Variants in CCBE1 observed in about 807,000 individuals in gnomAD.
CCBE1 encodes collagen and calcium-binding EGF domain-containing protein 1.
In CCBE1, 37 loss-of-function variants were observed where a neutral mutation model predicts 50.0. The ratio of observed to expected loss-of-function variants is 0.74; its 90% CI spans 0.57 to 0.97. The LOEUF (loss-of-function observed/expected upper bound fraction) is 0.97. CCBE1 is among the 50% of genes least tolerant of loss of function. The pLI, the probability that CCBE1 is intolerant of heterozygous loss-of-function variation, is 0.00. For synonymous variants in CCBE1, 234 were observed against 203.7 expected (o/e 1.15, Z -1.27); for missense variants, 538 against 523.8 (o/e 1.03, Z -0.26).
chr18:59,479,776 A>G (rs1050700363), intron 3 of CCBE1, among the ~76,000 whole-genome samples: 28 of 152,208 alleles, frequency 1.8e-4, no homozygotes, highest in African/African-American at 5.1e-4. Context: ...GCTGGGTTGA[A>G]CACTCAGGTA....
intron 2 of CCBE1, chr18:59,563,889 G>A (rs1241194622): frequency 1.3e-5 from 2 of 152,186 alleles, no homozygotes; most frequent in South Asian, 2.1e-4. Flanking sequence ...ATGAACAGTG[G>A]GCTGGAATAA....
intron 2 of CCBE1, among the ~76,000 whole-genome samples, chr18:59,623,730 T>G (rs2053742023): frequency 6.6e-6 from 1 of 152,122 alleles, no homozygotes; most frequent in African/African-American, 2.4e-5. Flanking sequence ...ATAAATTGTT[T>G]ACCATTAGGC....
chr18:59,629,211 A>C (rs1272805922), intron 2 of CCBE1, among the ~76,000 whole-genome samples: 1 of 152,182 alleles, frequency 6.6e-6, no homozygotes, highest in Non-Finnish European at 1.5e-5. Flanking sequence ...CCTGCTACTA[A>C]CTAAAGGCCA....
Position 59,431,208 on chromosome 18 carries a change from G to A in CCBE1, c.*4700C>T, listed in dbSNP as rs1270634913. 2.6e-5 allele frequency: 4 copies of A among 152,214 alleles called. No homozygotes were observed. 9.4% of individuals were successfully genotyped at this position (152,214 alleles called of 1,614,324 possible). On this transcript the variant is annotated 3_prime_UTR_variant, in exon 11 of 11. Coordinates refer to ENST00000439986, the MANE Select transcript of CCBE1 (RefSeq NM_133459.4). ...TCCCTAGAGCAGTAACGTTTGTTGA[G>A]GGAGCATGTGAAGTTCATGATTATA...
chr18:59,640,053 A>G (rs1039666721), intron 2 of CCBE1, among the ~76,000 whole-genome samples: 2 of 152,204 alleles, frequency 1.3e-5, no homozygotes, highest in African/African-American at 4.8e-5. Flanking sequence ...TAAAATGGCC[A>G]TACTCCCCAA....
At chr18:59,441,989 T>G (rs1008720602) in intron 7 of CCBE1, among the ~76,000 whole-genome samples, 5 of 152,210 alleles carry the variant, frequency 3.3e-5, no homozygotes, top group Admixed American at 6.5e-5. Context: ...TTGTCTTTCT[T>G]GCCAAGCATT....
At chr18:59,642,132 T>C (rs2053999062) in intron 2 of CCBE1, among the ~76,000 whole-genome samples, 1 of 152,104 alleles carries the variant, frequency 6.6e-6, no homozygotes, top group Non-Finnish European at 1.5e-5. Flanking sequence ...GTATTAGTAT[T>C]AAAATCTGTA....
chr18:59,537,663 T>C (rs368855491), intron 2 of CCBE1, among the ~76,000 whole-genome samples: 2 of 152,200 alleles, frequency 1.3e-5, no homozygotes, highest in African/African-American at 4.8e-5. Flanking sequence ...AATGGACTAA[T>C]ACAGTGGCTG....
chr18:59,620,890 G>C (rs574030182), intron 2 of CCBE1, among the ~76,000 whole-genome samples: 56 of 152,340 alleles, frequency 3.7e-4, no homozygotes, highest in African/African-American at 1.3e-3. Context: ...AATGGGAAGA[G>C]TTTCCAATAA....
chr18:59,638,090 A>G (rs2053938103), intron 2 of CCBE1, among the ~76,000 whole-genome samples: 1 of 152,246 alleles, frequency 6.6e-6, no homozygotes, highest in Non-Finnish European at 1.5e-5. Context: ...ACTGTTTCTC[A>G]CCATGTACAA....
intron 2 of CCBE1, among the ~76,000 whole-genome samples, chr18:59,488,272 T>G (rs1357840297): frequency 2.6e-5 from 4 of 152,176 alleles, no homozygotes; most frequent in African/African-American, 7.2e-5. Flanking sequence ...ATGGTGGTGA[T>G]GGATGCAGAA....
chr18:59,484,689 A>G (rs625298), intron 2 of CCBE1, among the ~76,000 whole-genome samples: 43,354 of 152,112 alleles, frequency 0.29, 6,262 homozygotes, highest in African/African-American at 0.3. Context: ...CTTAGCTAAG[A>G]ATTTCCCCTT....
intron 1 of CCBE1, 134 bp downstream of exon 1, chr18:59,697,078 C>G: frequency 8.0e-7 from 1 of 1,254,108 alleles, no homozygotes; most frequent in African/African-American, 1.5e-5. Context: ...CAGCTGAGCA[C>G]TCTCCTTATC....
At chr18:59,565,895 G>T (rs1347210327) in intron 2 of CCBE1, among the ~76,000 whole-genome samples, 10 of 151,980 alleles carry the variant, frequency 6.6e-5, no homozygotes, top group African/African-American at 2.4e-4. Flanking sequence ...ATAGTCTCAG[G>T]TGCATCTTCT....
rs551181941 is a variant in CCBE1 at position 59,462,047 on chromosome 18, T to G, written c.553+4692A>C. Among the ~76,000 whole-genome samples, 7 of 152,322 alleles carry G rather than the reference T, an allele frequency of 4.6e-5. No individual in the cohort carries two copies. The South Asian group carries it at 1.5e-3, about 32-fold the overall frequency. On this transcript the variant is annotated intron_variant, in intron 5 of 10. Coordinates refer to ENST00000439986, the MANE Select transcript of CCBE1 (RefSeq NM_133459.4). ...CCATCCCCGGCTGCCAAGTGTCATC[T>G]TTTGCAATGAGTTTTGAATGACAGT...
chr18:59,507,725 A>G (rs1041555373), intron 2 of CCBE1, among the ~76,000 whole-genome samples: 6 of 152,332 alleles, frequency 3.9e-5, no homozygotes, highest in South Asian at 2.1e-4. Context: ...AACTGAAAGC[A>G]TTTGTTAAAA....
intron 2 of CCBE1, among the ~76,000 whole-genome samples, chr18:59,579,600 C>T (rs181141180): frequency 6.6e-5 from 10 of 152,306 alleles, no homozygotes; most frequent in African/African-American, 9.6e-5. Context: ...TTTATGACAA[C>T]GGTTCTACAT....
intron 2 of CCBE1, among the ~76,000 whole-genome samples, chr18:59,665,306 C>A (rs559900348): frequency 6.6e-6 from 1 of 152,248 alleles, no homozygotes; most frequent in African/African-American, 2.4e-5. Context: ...GGTTATGGTA[C>A]AGAAGGTGTA....
chr18:59,634,771 T>A (rs1217693297), intron 2 of CCBE1, among the ~76,000 whole-genome samples: 1 of 152,212 alleles, frequency 6.6e-6, no homozygotes, highest in African/African-American at 2.4e-5. Context: ...AATTTCTACA[T>A]ATGCAAAATA....
Sources: allele counts gnomAD v4.1 joint callset (sites outside exome capture counted in the v4.1 genomes callset), GRCh38; gene constraint gnomAD v4.1.1; transcripts MANE v1.5; gene names NCBI Gene and HGNC (gene_info 2026-07-23, HGNC 2026-07-21).